The following SYCP1 variants were observed in gnomAD, a reference collection of about 807,000 sequenced individuals.
The protein encoded by SYCP1 is cancer/testis antigen 8.
A neutral mutation model predicts 153.1 loss-of-function variants in SYCP1; 64 were observed. The ratio of observed to expected loss-of-function variants is 0.42; its 90% CI spans 0.34 to 0.51. The LOEUF (loss-of-function observed/expected upper bound fraction) is 0.51, where lower values mean the gene tolerates loss of function less well. Ranked by LOEUF, SYCP1 falls within the 20% of genes least tolerant of loss-of-function variation. SYCP1 has a pLI of 0.06. For synonymous variants in SYCP1, 384 were observed against 341.8 expected, an observed-to-expected ratio of 1.12 and a Z score of -1.36; for missense variants, 997 against 1,049.0, an observed-to-expected ratio of 0.95 and a Z score of 0.68.
chr1:114,864,022 G>T lies in SYCP1; in HGVS notation c.598+3213G>T, dbSNP rs547960242. On this transcript the variant is annotated intron_variant, in intron 8 of 31. Coordinates refer to ENST00000369522, the MANE Select transcript of SYCP1 (RefSeq NM_003176.4). ...AGCATTAGGACAAATACCTAATGCA[G>T]GTGGGGCTTAAAACCTAGATGATGG... is the stretch of plus-strand genomic sequence containing the variant. 3.2e-4 allele frequency among the ~76,000 whole-genome samples: 48 copies of T among 151,830 alleles called. No individual in the cohort carries two copies. In the East Asian group the frequency reaches 6.3e-3, roughly 20 times the overall value.
intron 23 of SYCP1, among the ~76,000 whole-genome samples, chr1:114,928,144 A>C (rs1320091205): frequency 6.6e-6 from 1 of 152,042 alleles, no homozygotes; most frequent in Non-Finnish European, 1.5e-5. Flanking sequence ...TTAATTGAGA[A>C]ATTTCTCAAA....
intron 23 of SYCP1, among the ~76,000 whole-genome samples, chr1:114,932,493 G>A (rs360598): frequency 0.39 from 58,589 of 152,078 alleles, 12,516 homozygotes; most frequent in East Asian, 0.5. Context: ...CATGAGTGAC[G>A]CAGAAGATGG....
intron 23 of SYCP1, among the ~76,000 whole-genome samples, chr1:114,927,001 T>C (rs976408550): frequency 6.6e-6 from 1 of 152,098 alleles, no homozygotes; most frequent in Non-Finnish European, 1.5e-5. Flanking sequence ...AAGCTCCTGA[T>C]ATTAGAGCCA....
chr1:114,969,140 A>C (rs1672320716), intron 27 of SYCP1, among the ~76,000 whole-genome samples: 1 of 152,098 alleles, frequency 6.6e-6, no homozygotes, highest in Non-Finnish European at 1.5e-5. Context: ...GTGTCTCCCA[A>C]ACAGGAGGCA....
At chr1:114,923,048 G>A (rs1669000001) in intron 20 of SYCP1, among the ~76,000 whole-genome samples, 1 of 152,174 alleles carries the variant, frequency 6.6e-6, no homozygotes, top group Non-Finnish European at 1.5e-5. Context: ...GCTGCAAAGG[G>A]TGGACTCCTA....
intron 27 of SYCP1, among the ~76,000 whole-genome samples, chr1:114,964,961 C>T (rs1387990554): frequency 6.6e-6 from 1 of 152,132 alleles, no homozygotes; most frequent in Non-Finnish European, 1.5e-5. Flanking sequence ...GGCAGCATGG[C>T]CATTTTCATG....
At position 114,923,427 on chromosome 1, in the gene SYCP1, T is replaced by C. The variant is rs926763318; in HGVS notation, c.1719-22T>C. 9 of 1,547,946 alleles carry C rather than the reference T, an allele frequency of 5.8e-6. No homozygotes were observed. In the African/African-American group the frequency reaches 1.1e-4, roughly 19 times the overall value. On this transcript the variant is annotated intron_variant, in intron 20 of 31. Transcript: ENST00000369522. Reference sequence around the variant, plus strand: ...AGGCCTAATAATTTTTAGTATAATGTCACTCTTCCATTTTCTTTTAGAAAT... The same window carrying C: ...AGGCCTAATAATTTTTAGTATAATGCCACTCTTCCATTTTCTTTTAGAAAT...
rs556681741 is a variant in SYCP1, at chr1:114,887,606, A to C, written c.1191-20A>C. 1 of 1,483,204 alleles carries C rather than the reference A, an allele frequency of 6.7e-7. No individual in the cohort carries two copies. Among genetic ancestry groups the C allele is most frequent in the Non-Finnish European group, 9.2e-7 (1 of 1,085,346 alleles). The allele number at this position is 1,483,204 out of a possible 1,614,324, so 91.9% of individuals were successfully genotyped here. ...CTGACTAAAATAATATTTTGTATTG[A>C]AAATGATATATTTTACAAGATTGGA... On this transcript the variant is annotated intron_variant, in intron 14 of 31. Coordinates refer to ENST00000369522, the MANE Select transcript of SYCP1 (RefSeq NM_003176.4).
intron 16 of SYCP1, among the ~76,000 whole-genome samples, chr1:114,906,712 G>A (rs1667832468): frequency 6.6e-6 from 1 of 152,196 alleles, no homozygotes; most frequent in Non-Finnish European, 1.5e-5. Flanking sequence ...GTCAGAGAAT[G>A]TACTTTTGTA....
At chr1:114,914,401 C>T (rs1668383084) in intron 20 of SYCP1, among the ~76,000 whole-genome samples, 1 of 151,292 alleles carries the variant, frequency 6.6e-6, no homozygotes, top group Non-Finnish European at 1.5e-5. Flanking sequence ...TATACCCACT[C>T]TATATTTTTT....
At chr1:114,939,851 T>C (rs1318999467) in intron 23 of SYCP1, among the ~76,000 whole-genome samples, 1 of 152,258 alleles carries the variant, frequency 6.6e-6, no homozygotes, top group East Asian at 1.9e-4. Context: ...TGCAAAGGCT[T>C]TTAATTTCTG....
intron 8 of SYCP1, among the ~76,000 whole-genome samples, chr1:114,865,427 G>A (rs1285811163): frequency 6.6e-6 from 1 of 152,144 alleles, no homozygotes; most frequent in Non-Finnish European, 1.5e-5. Flanking sequence ...TTTTCTAACA[G>A]GCAGTCAGCT....
intron 23 of SYCP1, among the ~76,000 whole-genome samples, chr1:114,931,493 A>C (rs1022589162): frequency 2.6e-5 from 4 of 152,156 alleles, no homozygotes; most frequent in African/African-American, 7.2e-5. Flanking sequence ...CAGTAGCATA[A>C]AAATCCATTA....
chr1:114,932,554 G>A (rs1014686924), intron 23 of SYCP1, among the ~76,000 whole-genome samples: 2 of 152,214 alleles, frequency 1.3e-5, no homozygotes, highest in Admixed American at 1.3e-4. Flanking sequence ...ACTGGGGCTT[G>A]TCGGACAGTG....
chr1:114,907,288 T>C (rs1377405119), intron 16 of SYCP1, among the ~76,000 whole-genome samples: 1 of 152,174 alleles, frequency 6.6e-6, no homozygotes, highest in Non-Finnish European at 1.5e-5. Flanking sequence ...AATTGGAGAA[T>C]TTAGACCATT....
chr1:114,924,173 T>G (rs1288286742), intron 21 of SYCP1, among the ~76,000 whole-genome samples: 3 of 152,126 alleles, frequency 2.0e-5, no homozygotes, highest in Non-Finnish European at 4.4e-5. Flanking sequence ...TTTTAATATT[T>G]GAGAATGGAA....
rs979671129 is a variant in SYCP1 at position 114,856,504 on chromosome 1, A to G, written c.109-69A>G. On this transcript the variant is annotated intron_variant, in intron 2 of 31. Coordinates refer to ENST00000369522, the MANE Select transcript of SYCP1 (RefSeq NM_003176.4). Reference sequence around the variant, plus strand: ...TTAAGCAGATGTATATTACATATGTATATATTACACTATTAGTATATCAGA... The same window carrying G: ...TTAAGCAGATGTATATTACATATGTGTATATTACACTATTAGTATATCAGA... 6 of 1,036,860 alleles carry G rather than the reference A, an allele frequency of 5.8e-6. No homozygotes were observed. The African/African-American group carries it at 8.0e-5, about 14-fold the overall frequency. The allele number at this position is 1,036,860 out of a possible 1,614,324, so 64.2% of individuals were successfully genotyped here. A position where few individuals can be genotyped will look rare whatever the true frequency, so the allele number is the denominator to read the frequency against.
intron 27 of SYCP1, among the ~76,000 whole-genome samples, chr1:114,958,511 A>T (rs1019406947): frequency 1.3e-5 from 2 of 152,164 alleles, no homozygotes; most frequent in South Asian, 4.1e-4. Flanking sequence ...GATTTTGATT[A>T]TTATGTATCA....
At chr1:114,968,512 T>A (rs1672281937) in intron 27 of SYCP1, among the ~76,000 whole-genome samples, 1 of 152,208 alleles carries the variant, frequency 6.6e-6, no homozygotes, top group Admixed American at 6.5e-5. Context: ...TCTCATGCTG[T>A]GTTTTTCAGC....
Sources: gnomAD v4.1 joint callset for allele counts (sites outside exome capture counted in the v4.1 genomes callset) on GRCh38, gnomAD v4.1.1 for gene constraint, MANE v1.5 for transcripts, NCBI Gene and HGNC (gene_info 2026-07-23, HGNC 2026-07-21) for gene names.